Variants in VWC2L observed in about 807,000 individuals in gnomAD.
VWC2L encodes the protein von Willebrand factor C domain containing 2 like.
In VWC2L, 10 loss-of-function variants were observed where a neutral mutation model predicts 21.6. The observed-to-expected ratio is 0.46, with a 90% confidence interval of 0.29 to 0.78. The LOEUF (loss-of-function observed/expected upper bound fraction) is 0.78, where lower values mean the gene tolerates loss of function less well. Ranked by LOEUF, VWC2L falls within the 30% of genes least tolerant of loss-of-function variation. The probability of loss-of-function intolerance (pLI) is 0.10; values close to 1 mark genes in which losing one functional copy is unlikely to be tolerated. For synonymous variants in VWC2L, 96 were observed against 94.3 expected, an observed-to-expected ratio of 1.02 and a Z score of -0.10; for missense variants, 209 against 277.1, an observed-to-expected ratio of 0.75 and a Z score of 1.74.
chr2:214,564,769 ATTTC>A (rs1386439778), intron 3 of VWC2L, among the ~76,000 whole-genome samples: 1 of 152,146 alleles, frequency 6.6e-6, no homozygotes, highest in Non-Finnish European at 1.5e-5. Context: ...CAATATCAGA[ATTTC>A]TTTATTTTTA....
At chr2:214,453,724 TC>T (rs1176293874) in intron 3 of VWC2L, among the ~76,000 whole-genome samples, 1 of 77,932 alleles carries the variant, frequency 1.3e-5, no homozygotes, top group African/African-American at 1.0e-4. Flanking sequence ...GAATTTTTTT[TC>T]TTTTTTTTTT....
At chr2:214,550,380 A>C (rs1689774530) in intron 3 of VWC2L, among the ~76,000 whole-genome samples, 1 of 152,242 alleles carries the variant, frequency 6.6e-6, no homozygotes, top group Admixed American at 6.5e-5. Flanking sequence ...ACTTCAAAAC[A>C]GTCTCAATAT....
intron 2 of VWC2L, among the ~76,000 whole-genome samples, chr2:214,421,086 C>A (rs1192958276): frequency 1.3e-5 from 2 of 152,070 alleles, no homozygotes; most frequent in Non-Finnish European, 2.9e-5. Context: ...AATTTCATTC[C>A]AGAGATTAGA....
At chr2:214,574,779 G>C (rs1690202355) in intron 3 of VWC2L, among the ~76,000 whole-genome samples, 1 of 151,790 alleles carries the variant, frequency 6.6e-6, no homozygotes, top group Non-Finnish European at 1.5e-5. Context: ...TTTGAATTTG[G>C]GAACTATAGT....
At chr2:214,528,802 T>G (rs1265288804) in intron 3 of VWC2L, among the ~76,000 whole-genome samples, 1 of 152,202 alleles carries the variant, frequency 6.6e-6, no homozygotes, top group African/African-American at 2.4e-5. Context: ...CTGCTCCTCT[T>G]GCACTCCTCA....
intron 3 of VWC2L, among the ~76,000 whole-genome samples, chr2:214,445,312 T>G (rs1172056750): frequency 6.6e-6 from 1 of 151,818 alleles, no homozygotes; most frequent in Non-Finnish European, 1.5e-5. Flanking sequence ...TGTTTGATAA[T>G]AGCAACAATT....
chr2:214,423,476 G>T (rs527389568), intron 2 of VWC2L, among the ~76,000 whole-genome samples: 1 of 151,974 alleles, frequency 6.6e-6, no homozygotes, highest in Middle Eastern at 3.4e-3. Flanking sequence ...CTACCTTCAG[G>T]TTTAACAGAA....
chr2:214,425,267 T>C (rs753806514), intron 2 of VWC2L, among the ~76,000 whole-genome samples: 2 of 152,240 alleles, frequency 1.3e-5, no homozygotes, highest in Non-Finnish European at 2.9e-5. Flanking sequence ...TACAGCCGTT[T>C]GGGTACTGCT....
intron 2 of VWC2L, among the ~76,000 whole-genome samples, chr2:214,423,624 A>G (rs543564599): frequency 6.6e-6 from 1 of 152,290 alleles, no homozygotes; most frequent in South Asian, 2.1e-4. Context: ...CAAGAACAAT[A>G]AAATACTGGC....
chr2:214,533,027 T>A (rs1474063645), intron 3 of VWC2L, among the ~76,000 whole-genome samples: 2 of 151,834 alleles, frequency 1.3e-5, no homozygotes, highest in Non-Finnish European at 2.9e-5. Flanking sequence ...AAGTCATGAC[T>A]TCTTTTATAG....
chr2:214,419,371 T>G (rs1272588474), intron 2 of VWC2L, among the ~76,000 whole-genome samples: 2 of 152,232 alleles, frequency 1.3e-5, no homozygotes, highest in African/African-American at 2.4e-5. Context: ...TTAACTATCT[T>G]AATGCTGAGT....
At chr2:214,420,723 T>C (rs1305624254) in intron 2 of VWC2L, among the ~76,000 whole-genome samples, 4 of 152,128 alleles carry the variant, frequency 2.6e-5, no homozygotes. Flanking sequence ...TAAGATACTA[T>C]CCCAAGAAAG....
At chr2:214,487,503 T>C (rs1688687076) in intron 3 of VWC2L, among the ~76,000 whole-genome samples, 1 of 152,156 alleles carries the variant, frequency 6.6e-6, no homozygotes, top group Non-Finnish European at 1.5e-5. Flanking sequence ...GCATGCCCAA[T>C]GTGCCATGGG....
At chr2:214,496,069 G>T (rs1484360805) in intron 3 of VWC2L, among the ~76,000 whole-genome samples, 3 of 151,958 alleles carry the variant, frequency 2.0e-5, no homozygotes, top group East Asian at 3.9e-4. Context: ...ACGCTATAGG[G>T]TATATTTATA....
chr2:214,502,652 C>T (rs912420994), intron 3 of VWC2L, among the ~76,000 whole-genome samples: 2 of 152,190 alleles, frequency 1.3e-5, no homozygotes, highest in African/African-American at 4.8e-5. Context: ...GATACCTAGT[C>T]TTCTTTCATA....
intron 3 of VWC2L, among the ~76,000 whole-genome samples, chr2:214,533,412 G>T (rs1689473210): frequency 1.3e-5 from 2 of 151,974 alleles, no homozygotes; most frequent in Admixed American, 1.3e-4. Context: ...ATTGCAGCTG[G>T]TCTTCCCAGG....
intron 2 of VWC2L, among the ~76,000 whole-genome samples, chr2:214,435,343 G>A (rs1702662846): frequency 6.6e-6 from 1 of 152,144 alleles, no homozygotes; most frequent in South Asian, 2.1e-4. Flanking sequence ...CATTGATCAT[G>A]TTAACAAATA....
intron 3 of VWC2L, among the ~76,000 whole-genome samples, chr2:214,519,564 GATAA>G (rs1419205270): frequency 6.6e-6 from 1 of 152,186 alleles, no homozygotes; most frequent in East Asian, 1.9e-4. Context: ...GAATTTTCAA[GATAA>G]ATAAAAGAAA....
intron 3 of VWC2L, among the ~76,000 whole-genome samples, chr2:214,556,414 A>C (rs1689873780): frequency 6.6e-6 from 1 of 152,206 alleles, no homozygotes; most frequent in Non-Finnish European, 1.5e-5. Context: ...AAATTGTCTT[A>C]ACTTGAGGGA....
Sources: gnomAD v4.1 joint callset for allele counts (sites outside exome capture counted in the v4.1 genomes callset) on GRCh38, gnomAD v4.1.1 for gene constraint, MANE v1.5 for transcripts, NCBI Gene and HGNC (gene_info 2026-07-23, HGNC 2026-07-21) for gene names.